PDE10A: variants seen among roughly 807,000 people sequenced by gnomAD.
PDE10A encodes the protein cAMP and cAMP-inhibited cGMP 3',5'-cyclic phosphodiesterase 10A.
In PDE10A, 39 loss-of-function variants were observed where a neutral mutation model predicts 97.7. The observed-to-expected ratio is 0.40, with a 90% CI of 0.31 to 0.52. The LOEUF is 0.52. Ranked by LOEUF, PDE10A falls within the 20% of genes least tolerant of loss-of-function variation. The probability of loss-of-function intolerance (pLI) is 0.56; values close to 1 mark genes in which losing one functional copy is unlikely to be tolerated. For synonymous variants in PDE10A, 371 were observed against 376.8 expected, an observed-to-expected ratio of 0.98 and a Z score of 0.18; for missense variants, 731 against 1,047.8, an observed-to-expected ratio of 0.70 and a Z score of 4.17.
intron 1 of PDE10A, among the ~76,000 whole-genome samples, chr6:165,959,010 C>T (rs1784279753): frequency 6.6e-6 from 1 of 152,196 alleles, no homozygotes; most frequent in South Asian, 2.1e-4. Context: ...TGCACAGCTT[C>T]AGCGTCAGGA....
intron 1 of PDE10A, among the ~76,000 whole-genome samples, chr6:165,570,531 CT>C (rs1158333974): frequency 6.6e-6 from 1 of 152,172 alleles, no homozygotes; most frequent in Admixed American, 6.5e-5. Flanking sequence ...CAGCGTATTT[CT>C]TTTAAGCTGT....
rs147511105 is a variant in PDE10A, at chr6:165,586,522, C to G, written c.866-42954G>C. Among the ~76,000 whole-genome samples the G allele has an allele frequency of 5.8e-3, 880 of 152,194 alleles. 12 individuals are homozygous for G. Among genetic ancestry groups the G allele is most frequent in the African/African-American group, 0.02 (838 of 41,510 alleles). ...CAAATAGTCATGTCCCAGAAGAGAA[C>G]TGATACTATATATCAAAAGGCCTAA... On this transcript the variant is annotated intron_variant, in intron 1 of 21. Transcript: ENST00000539869.
At chr6:165,619,136 AGTGTAGTCTAGTGTC>A (rs879437054) in intron 1 of PDE10A, among the ~76,000 whole-genome samples, 1 of 146,526 alleles carries the variant, frequency 6.8e-6, no homozygotes, top group Admixed American at 6.8e-5. Flanking sequence ...AGTCTAGTGT[AGTGTAGTCTAGTGTC>A]GTGTAGTGTA....
chr6:165,873,070 G>C (rs1044360423), intron 1 of PDE10A, among the ~76,000 whole-genome samples: 1 of 152,186 alleles, frequency 6.6e-6, no homozygotes, highest in Non-Finnish European at 1.5e-5. Flanking sequence ...TCTTTGGCCA[G>C]GTTGTTCCTA....
chr6:165,515,454 T>C (rs1781739266), intron 2 of PDE10A, among the ~76,000 whole-genome samples: 1 of 151,628 alleles, frequency 6.6e-6, no homozygotes, highest in African/African-American at 2.4e-5. Context: ...GGTTTAATAT[T>C]ATAATCATTT....
At chr6:165,336,098 T>G in intron 21 of PDE10A, 25 bp downstream of exon 21, 1 of 1,529,998 alleles carries the variant, frequency 6.5e-7, no homozygotes, top group East Asian at 2.2e-5. Context: ...AACAATATTT[T>G]TACGGCTTGA....
chr6:165,437,287 T>C (rs1790094539), intron 5 of PDE10A, among the ~76,000 whole-genome samples: 1 of 152,166 alleles, frequency 6.6e-6, no homozygotes, highest in Non-Finnish European at 1.5e-5. Context: ...TTTAATCACA[T>C]GTTTAAGTTA....
chr6:165,827,227 C>G (rs1276693907), intron 1 of PDE10A, among the ~76,000 whole-genome samples: 1 of 152,224 alleles, frequency 6.6e-6, no homozygotes, highest in African/African-American at 2.4e-5. Context: ...CGGCAAAACA[C>G]AGGGAAGGGT....
chr6:165,975,050 T>C (rs1003676931), intron 1 of PDE10A, among the ~76,000 whole-genome samples: 1 of 152,152 alleles, frequency 6.6e-6, no homozygotes, highest in Non-Finnish European at 1.5e-5. Flanking sequence ...GGGAGAACAA[T>C]GGAGGCAGGA....
chr6:165,982,429 A>G (rs1012421277), intron 1 of PDE10A, among the ~76,000 whole-genome samples: 2 of 152,214 alleles, frequency 1.3e-5, no homozygotes, highest in Non-Finnish European at 2.9e-5. Context: ...ACCTAAAACC[A>G]TCTTGAAAGA....
At chr6:165,417,800 T>A (rs1237090668) in intron 11 of PDE10A, among the ~76,000 whole-genome samples, 1 of 152,210 alleles carries the variant, frequency 6.6e-6, no homozygotes, top group Non-Finnish European at 1.5e-5. Context: ...GACATCAGTC[T>A]CCTTTTATGA....
intron 1 of PDE10A, among the ~76,000 whole-genome samples, chr6:165,578,882 T>A (rs1159201658): frequency 6.6e-6 from 1 of 152,116 alleles, no homozygotes; most frequent in Non-Finnish European, 1.5e-5. Context: ...ATAAGAAGTG[T>A]CCTAACTGTA....
intron 1 of PDE10A, among the ~76,000 whole-genome samples, chr6:165,753,699 A>T (rs781227474): frequency 5.9e-5 from 9 of 152,192 alleles, no homozygotes; most frequent in Non-Finnish European, 7.3e-5. Context: ...TTTGGATAAC[A>T]TCCTTTAAGT....
chr6:165,422,262 CACACACATACGCATACACACACACGCAT>C (rs1412187297), intron 10 of PDE10A, among the ~76,000 whole-genome samples: 2 of 151,886 alleles, frequency 1.3e-5, no homozygotes, highest in Non-Finnish European at 2.9e-5. Flanking sequence ...CTCCCTTATA[CACACACATACGCATACACACACACGCAT>C]ACACACATAC....
intron 1 of PDE10A, among the ~76,000 whole-genome samples, chr6:165,644,692 G>A (rs1373927406): frequency 2.0e-5 from 3 of 152,132 alleles, no homozygotes; most frequent in East Asian, 3.9e-4. Context: ...TAAACACAGC[G>A]TATTCTATGA....
chr6:165,862,691 T>C (rs1470584835), intron 1 of PDE10A, among the ~76,000 whole-genome samples: 1 of 86,748 alleles, frequency 1.2e-5, no homozygotes, highest in Non-Finnish European at 2.3e-5. Context: ...TTTTTTTTTT[T>C]TTTTTTGAGA....
chr6:165,830,281 C>T (rs1042221294), intron 1 of PDE10A, among the ~76,000 whole-genome samples: 4 of 152,218 alleles, frequency 2.6e-5, no homozygotes, highest in African/African-American at 7.2e-5. Context: ...TCCAGACAGT[C>T]GCTCAGCTAC....
intron 1 of PDE10A, among the ~76,000 whole-genome samples, chr6:165,678,400 C>T (rs1392672947): frequency 1.5e-5 from 2 of 131,400 alleles, no homozygotes; most frequent in East Asian, 4.4e-4. Flanking sequence ...AAGCCACCAC[C>T]TTTGTACTCA....
chr6:165,822,943 T>G (rs1159753498), intron 1 of PDE10A, among the ~76,000 whole-genome samples: 3 of 152,046 alleles, frequency 2.0e-5, no homozygotes, highest in Non-Finnish European at 2.9e-5. Flanking sequence ...CACGCCATTT[T>G]CCTCCTCAGC....
Sources: gnomAD v4.1 joint callset for allele counts (sites outside exome capture counted in the v4.1 genomes callset) on GRCh38, gnomAD v4.1.1 for gene constraint, MANE v1.5 for transcripts, NCBI Gene and HGNC (gene_info 2026-07-23, HGNC 2026-07-21) for gene names.